Variants in MUC17 observed in about 807,000 individuals in gnomAD.
The protein encoded by MUC17 is mucin-17.
MUC17 carries 190 observed loss-of-function variants against 170.3 expected under a neutral mutation model. The ratio of observed to expected loss-of-function variants is 1.12; its 90% CI spans 0.99 to 1.26. The LOEUF is 1.26. MUC17 is among the 50% of genes most tolerant of loss of function. The pLI is 0.00. For synonymous variants in MUC17, 2,325 were observed against 2,002.5 expected, an observed-to-expected ratio of 1.16 and a Z score of -4.30; for missense variants, 6,415 against 5,530.0, an observed-to-expected ratio of 1.16 and a Z score of -5.08.
intron 7 of MUC17, 118 bp downstream of exon 7, chr7:101,050,753 TG>T: frequency 7.0e-7 from 1 of 1,421,526 alleles, no homozygotes. Context: ...AGAATCACTG[TG>T]GGGTCCTAGA....
At position 101,026,577 on chromosome 7, in the gene MUC17, G is replaced by A. The variant is rs142039698; in HGVS notation, c.83-4543G>A. Among the ~76,000 whole-genome samples the A allele has an allele frequency of 4.6e-5, 7 of 152,242 alleles. No homozygotes were observed. In the East Asian group the frequency reaches 5.8e-4, roughly 13 times the overall value. Reference sequence around the variant, plus strand: ...GCAAAATGGACATGCAAGGCCCTTCGTTCAAAGATTTCTTGTGGTTTTTAA... The same window carrying A: ...GCAAAATGGACATGCAAGGCCCTTCATTCAAAGATTTCTTGTGGTTTTTAA... On this transcript the variant is annotated intron_variant, in intron 1 of 12. Transcript: ENST00000306151.
At chr7:101,023,065 G>T (rs771545599) in intron 1 of MUC17, among the ~76,000 whole-genome samples, 3 of 151,908 alleles carry the variant, frequency 2.0e-5, no homozygotes, top group Non-Finnish European at 4.4e-5. Context: ...CTCTGAAGTC[G>T]CCAGGGAAGG....
chr7:101,033,979 A>T lies in MUC17; in HGVS notation c.2563A>T (p.Met855Leu), dbSNP rs1416939429. Reference sequence around the variant, plus strand: ...TCCTACACCTGCTGAAGGTACCAGCATGCCAACCTCAACTTATAGTGAAGG... The same window carrying T: ...TCCTACACCTGCTGAAGGTACCAGCTTGCCAACCTCAACTTATAGTGAAGG... ...SSPTPAEGTS[M>L]PTSTYSEGRT... Residue 855 changes from methionine to leucine, a missense_variant, in exon 3 of 13, where the codon ATG (methionine) becomes TTG (leucine). By Grantham distance (15) the Met-to-Leu change is conservative. Coordinates refer to ENST00000306151, the MANE Select transcript of MUC17 (RefSeq NM_001040105.2). 1.4e-5 allele frequency: 22 copies of T among 1,603,320 alleles called. No homozygotes were observed. The highest frequency in any genetic ancestry group is 1.9e-5 in the Non-Finnish European group (22 of 1,173,990).
chr7:101,040,219 G>A lies in MUC17; in HGVS notation c.8803G>A (p.Val2935Ile). ...EVSTPLTSILVSTVPVAGSEA... is the reference protein window; with the variant it reads ...EVSTPLTSILISTVPVAGSEA... ...AAGTACTCCATTAACAAGTATACTTGTCAGCACCGTGCCAGTGGCCGGTTC... is the reference window on the plus strand; with the variant it reads ...AAGTACTCCATTAACAAGTATACTTATCAGCACCGTGCCAGTGGCCGGTTC... Residue 2935 changes from valine (V) to isoleucine (I), a missense_variant, in exon 3 of 13, where the codon GTC (valine) becomes ATC (isoleucine). Physicochemically the swap from Val to Ile is conservative, Grantham distance 29 (BLOSUM62 3). Transcript: ENST00000306151. 2 of 1,612,254 alleles carry A rather than the reference G, an allele frequency of 1.2e-6. No individual in the cohort carries two copies. Among genetic ancestry groups the A allele is most frequent in the Non-Finnish European group, 1.7e-6 (2 of 1,179,452 alleles).
Position 101,039,046 on chromosome 7 carries a change from A to G in MUC17, c.7630A>G (p.Ser2544Gly), listed in dbSNP as rs754506755. Reference protein sequence around the residue: ...TLSTTPVDSNSPVVTSTEISS... With the variant: ...TLSTTPVDSNGPVVTSTEISS... ...TTCAACAACTCCTGTTGACTCCAAC[A>G]GTCCTGTGGTCACTTCTACTGAAAT... The change falls in exon 3 of 13, where the codon AGT becomes GGT. Residue 2544 changes from serine to glycine, a missense_variant. Physicochemically the swap from Ser to Gly is moderately conservative, Grantham distance 56. Coordinates refer to ENST00000306151, the MANE Select transcript of MUC17 (RefSeq NM_001040105.2). 2 of 1,613,714 alleles carry G rather than the reference A, an allele frequency of 1.2e-6. No homozygotes were observed. The highest frequency in any genetic ancestry group is 2.2e-5 in the South Asian group (2 of 91,056).
chr7:101,037,730 C>A lies in MUC17; in HGVS notation c.6314C>A (p.Thr2105Lys). 1.2e-6 allele frequency: 2 copies of A among 1,613,556 alleles called. No homozygotes were observed. The highest frequency in any genetic ancestry group is 2.2e-5 in the East Asian group (1 of 44,780). The change falls in exon 3 of 13, where the codon ACA becomes AAA. Residue 2105 changes from threonine to lysine, a missense_variant. Coordinates refer to ENST00000306151, the MANE Select transcript of MUC17 (RefSeq NM_001040105.2). ...CCTAGTGAAGGAAGTCCTCTACTAACAAGTATACCTCTCAGCACCACGCCG... is the reference window on the plus strand; with the variant it reads ...CCTAGTGAAGGAAGTCCTCTACTAAAAAGTATACCTCTCAGCACCACGCCG... Reference protein sequence around the residue: ...SAPSEGSPLLTSIPLSTTPVA... With the variant: ...SAPSEGSPLLKSIPLSTTPVA...
At chr7:101,056,791 C>T (rs1283294598) in intron 12 of MUC17, among the ~76,000 whole-genome samples, 2 of 152,204 alleles carry the variant, frequency 1.3e-5, no homozygotes, top group Non-Finnish European at 2.9e-5. Context: ...CATAACTTCA[C>T]AATATCGTCT....
intron 9 of MUC17, 36 bp from the exon 10 acceptor site, chr7:101,052,950 C>A: frequency 6.3e-7 from 1 of 1,594,540 alleles, no homozygotes; most frequent in Non-Finnish European, 8.6e-7. Context: ...TGACTCCGTT[C>A]TCTCTCCCCA....
At chr7:101,031,256 G>A (rs776812072) in intron 2 of MUC17, 35 bp downstream of exon 2, 40 of 1,595,490 alleles carry the variant, frequency 2.5e-5, no homozygotes, top group Non-Finnish European at 3.3e-5. Context: ...ATCTGGGAAG[G>A]TGGCTCACCT....
intron 1 of MUC17, among the ~76,000 whole-genome samples, chr7:101,023,339 C>T (rs910673000): frequency 1.3e-5 from 2 of 152,024 alleles, no homozygotes; most frequent in African/African-American, 2.4e-5. Context: ...GAGACCCTGC[C>T]GGGGTGGGGC....
chr7:101,035,680 G>A lies in MUC17; in HGVS notation c.4264G>A (p.Asp1422Asn). The change falls in exon 3 of 13, where the codon GAC (aspartate) becomes AAC (asparagine). Residue 1422 changes from aspartate to asparagine, a missense_variant. Asp to Asn is a conservative substitution (Grantham distance 23, BLOSUM62 1). Transcript: ENST00000306151. ...EASTLSATPV[D>N]TSTPGTTSAE... ...TAGCACCCTTTCAGCAACTCCTGTT[G>A]ACACCAGCACCCCTGGGACCACTTC... 2.5e-6 allele frequency: 4 copies of A among 1,608,120 alleles called. No homozygotes were observed. Among genetic ancestry groups the A allele is most frequent in the Non-Finnish European group, 3.4e-6 (4 of 1,176,604 alleles).
At chr7:101,057,309 T>C (rs1446976385) in intron 12 of MUC17, among the ~76,000 whole-genome samples, 1 of 152,168 alleles carries the variant, frequency 6.6e-6, no homozygotes, top group Non-Finnish European at 1.5e-5. Flanking sequence ...AGTGTGAACG[T>C]CTTCAGGTGC....
At position 101,034,233 on chromosome 7, in the gene MUC17, T is replaced by G. The variant is rs369944845; in HGVS notation, c.2817T>G (p.Ser939=). The G allele has an allele frequency of 1.7e-5, 28 of 1,602,126 alleles. No homozygotes were observed. Among genetic ancestry groups the G allele is most frequent in the East Asian group, 4.6e-5 (2 of 43,748 alleles). Residue 939 remains serine (S), a synonymous_variant, in exon 3 of 13, where the codon TCT becomes TCG. Coordinates refer to ENST00000306151, the MANE Select transcript of MUC17 (RefSeq NM_001040105.2). ...MPDSTTPVVS[S]EARTLSATPV... Reference sequence around the variant, plus strand: ...ACAGCACCACGCCGGTAGTCAGTTCTGAGGCTAGAACACTTTCAGCAACTC... The same window carrying G: ...ACAGCACCACGCCGGTAGTCAGTTCGGAGGCTAGAACACTTTCAGCAACTC...
chr7:101,039,783 T>G lies in MUC17; in HGVS notation c.8367T>G (p.Ser2789Arg), dbSNP rs770723530. 3 of 1,609,158 alleles carry G rather than the reference T, an allele frequency of 1.9e-6. No homozygotes were observed. Among genetic ancestry groups the G allele is most frequent in the South Asian group, 2.2e-5 (2 of 90,928 alleles). ...CTGTCACCACTTCTACTGAAGCCAG[T>G]TCCTCTCCTACAACTGCTGAAGTTA... ...SIPVTTSTEA[S>R]SSPTTAEVTS... Residue 2789 changes from serine (S) to arginine (R), a missense_variant, in exon 3 of 13, where the codon AGT (serine) becomes AGG (arginine). Transcript: ENST00000306151.
chr7:101,058,146 A>C lies in MUC17; in HGVS notation c.*102A>C. 9.4e-7 allele frequency: 1 copy of C among 1,064,656 alleles called. No individual in the cohort carries two copies. Among genetic ancestry groups the C allele is most frequent in the South Asian group, 1.3e-5 (1 of 77,650 alleles). 66.0% of individuals were successfully genotyped at this position (1,064,656 alleles called of 1,614,324 possible). ...CCTTCCATGGGAACTCAATGTTCCCATTGTAAGTACAGGAAACAAGCCCTG... is the reference window on the plus strand; with the variant it reads ...CCTTCCATGGGAACTCAATGTTCCCCTTGTAAGTACAGGAAACAAGCCCTG... On this transcript the variant is annotated 3_prime_UTR_variant, in exon 13 of 13. Transcript: ENST00000306151.
In MUC17 at chr7:101,034,048, G is replaced by A. The variant is rs766298778; in HGVS notation, c.2632G>A (p.Ala878Thr). The A allele has an allele frequency of 3.7e-6, 6 of 1,601,044 alleles. No individual in the cohort carries two copies. Among genetic ancestry groups the A allele is most frequent in the Middle Eastern group, 1.7e-4 (1 of 5,976 alleles). The change falls in exon 3 of 13, where the codon GCC becomes ACC. Residue 878 changes from alanine to threonine, a missense_variant. Physicochemically the swap from Ala to Thr is moderately conservative, Grantham distance 58. Coordinates refer to ENST00000306151, the MANE Select transcript of MUC17 (RefSeq NM_001040105.2). ...TATGCCTGTCAGCACCACACTGGTG[G>A]CCACTTCTGCAATCAGCACCCTTTC... The part of the protein sequence containing the change: ...TSMPVSTTLV[A>T]TSAISTLSTT...
rs749249220 is a variant in MUC17 at position 101,038,851 on chromosome 7, A to G, written c.7435A>G (p.Thr2479Ala). The stretch of plus-strand genomic sequence containing the variant: ...TTCTGAGGCTGGCACCCTTTCCACA[A>G]CTCCTGTTGACACCAGCACACCTAT... ...VSSEAGTLST[T>A]PVDTSTPMTT... The change falls in exon 3 of 13, where the codon ACT becomes GCT. Residue 2479 changes from threonine (T) to alanine (A), a missense_variant. Thr to Ala is a moderately conservative substitution (Grantham distance 58). Coordinates refer to ENST00000306151, the MANE Select transcript of MUC17 (RefSeq NM_001040105.2). 3.7e-6 allele frequency: 6 copies of G among 1,612,310 alleles called. No individual in the cohort carries two copies. In the Admixed American group the frequency reaches 8.4e-5, roughly 23 times the overall value.
Position 101,038,823 on chromosome 7 carries a change from C to T in MUC17, c.7407C>T (p.Val2469=). The change falls in exon 3 of 13, where the codon GTC becomes GTT. Residue 2469 remains valine, a synonymous_variant. Transcript: ENST00000306151. ...TGCCTGTCAGCACCACGCCGGTGGT[C>T]AGTTCTGAGGCTGGCACCCTTTCCA... is the stretch of plus-strand genomic sequence containing the variant. ...ASMPVSTTPV[V]SSEAGTLSTT... 4 of 1,612,830 alleles carry T rather than the reference C, an allele frequency of 2.5e-6. No individual in the cohort carries two copies. The highest frequency in any genetic ancestry group is 3.4e-6 in the Non-Finnish European group (4 of 1,179,450).
chr7:101,038,681 T>A lies in MUC17; in HGVS notation c.7265T>A (p.Val2422Asp). 6.2e-7 allele frequency: 1 copy of A among 1,612,362 alleles called. No individual in the cohort carries two copies. Among genetic ancestry groups the A allele is most frequent in the South Asian group, 1.1e-5 (1 of 90,982 alleles). ...GCTAGCACCCATTCCACAACTCCTGTTGACACCAGCACACCTGTCACCACT... is the reference window on the plus strand; with the variant it reads ...GCTAGCACCCATTCCACAACTCCTGATGACACCAGCACACCTGTCACCACT... ...SEASTHSTTP[V>D]DTSTPVTTST... The change falls in exon 3 of 13, where the codon GTT (valine) becomes GAT (aspartate). Residue 2422 changes from valine to aspartate, a missense_variant. Coordinates refer to ENST00000306151, the MANE Select transcript of MUC17 (RefSeq NM_001040105.2).
Sources: allele counts gnomAD v4.1 joint callset (sites outside exome capture counted in the v4.1 genomes callset), GRCh38; gene constraint gnomAD v4.1.1; transcripts MANE v1.5; gene names NCBI Gene and HGNC (gene_info 2026-07-23, HGNC 2026-07-21).